The following DCDC2C variants were observed in gnomAD, a reference collection of about 807,000 sequenced individuals.
DCDC2C encodes the protein doublecortin domain-containing protein 2C.
Under a neutral mutation model 45.0 loss-of-function variants are expected in DCDC2C, and 44 were observed. The ratio of observed to expected loss-of-function variants is 0.98; its 90% CI spans 0.77 to 1.26. The LOEUF is 1.26. Among genes scored for constraint, DCDC2C ranks in the 50% most tolerant of loss-of-function variants. DCDC2C has a pLI of 0.00. For missense variants in DCDC2C, 447 were observed against 468.9 expected, an observed-to-expected ratio of 0.95 and a Z score of 0.43; for synonymous variants, 187 against 178.8, an observed-to-expected ratio of 1.05 and a Z score of -0.37.
chr2:3,712,845 G>C (rs1668251154), intron 2 of DCDC2C, among the ~76,000 whole-genome samples: 1 of 152,100 alleles, frequency 6.6e-6, no homozygotes, highest in African/African-American at 2.4e-5. Flanking sequence ...GTCCTTGAAT[G>C]CTTCATCATC....
At chr2:3,846,528 ATTG>A (rs1672334207) in intron 10 of DCDC2C, among the ~76,000 whole-genome samples, 1 of 152,200 alleles carries the variant, frequency 6.6e-6, no homozygotes, top group Non-Finnish European at 1.5e-5. Flanking sequence ...TTAGTATAGA[ATTG>A]TTGTATGAAT....
At chr2:3,715,576 T>TTCCATCCATCCATCCA (rs59747438) in intron 2 of DCDC2C, among the ~76,000 whole-genome samples, 34 of 151,162 alleles carry the variant, frequency 2.2e-4, no homozygotes, top group East Asian at 7.8e-4. Flanking sequence ...ATCCTAAACT[T>TTCCATCCATCCATCCA]TCCATCCATC....
chr2:3,837,092 G>T (rs1390446485), intron 10 of DCDC2C, among the ~76,000 whole-genome samples: 1 of 152,094 alleles, frequency 6.6e-6, no homozygotes, highest in Admixed American at 6.6e-5. Context: ...TCTCTTTGGG[G>T]CCCTCCTGCT....
At chr2:3,809,758 A>G (rs925432190) in intron 10 of DCDC2C, among the ~76,000 whole-genome samples, 3 of 151,910 alleles carry the variant, frequency 2.0e-5, no homozygotes, top group East Asian at 1.9e-4. Flanking sequence ...CCAACCCCCA[A>G]CAGGCCCTGA....
chr2:3,746,396 C>T lies in DCDC2C; in HGVS notation c.545+4348C>T, dbSNP rs572640474. 7.2e-5 allele frequency among the ~76,000 whole-genome samples: 11 copies of T among 152,144 alleles called. No individual in the cohort carries two copies. The East Asian group carries it at 1.6e-3, about 21-fold the overall frequency. ...AAGTGGGAGTGGATGGGGACGAGCACGACCCACTCTAAGAAAGGAATGACG... is the reference window on the plus strand; with the variant it reads ...AAGTGGGAGTGGATGGGGACGAGCATGACCCACTCTAAGAAAGGAATGACG... On this transcript the variant is annotated intron_variant, in intron 4 of 10. Coordinates refer to ENST00000399143, the MANE Select transcript of DCDC2C (RefSeq NM_001287444.2).
At chr2:3,729,034 T>C (rs1030269022) in intron 3 of DCDC2C, among the ~76,000 whole-genome samples, 4 of 152,238 alleles carry the variant, frequency 2.6e-5, no homozygotes, top group African/African-American at 9.6e-5. Context: ...CTCTCTGATG[T>C]CCCTTGTCAC....
At chr2:3,759,978 C>T (rs1242900588) in intron 6 of DCDC2C, among the ~76,000 whole-genome samples, 1 of 152,226 alleles carries the variant, frequency 6.6e-6, no homozygotes, top group African/African-American at 2.4e-5. Flanking sequence ...GGCCTCTGAC[C>T]TCTGCACTTG....
intron 10 of DCDC2C, among the ~76,000 whole-genome samples, chr2:3,798,318 T>G (rs1294322368): frequency 6.6e-6 from 1 of 151,360 alleles, no homozygotes; most frequent in Admixed American, 6.6e-5. Flanking sequence ...TCTTGACTCT[T>G]TATCCAATTT....
chr2:3,726,211 T>A (rs1463731728), intron 2 of DCDC2C, among the ~76,000 whole-genome samples: 1 of 151,822 alleles, frequency 6.6e-6, no homozygotes, highest in African/African-American at 2.4e-5. Flanking sequence ...GAGCAGCTCT[T>A]CAGAGGAAGG....
At chr2:3,731,181 G>T (rs921315372) in intron 3 of DCDC2C, among the ~76,000 whole-genome samples, 2 of 152,142 alleles carry the variant, frequency 1.3e-5, no homozygotes, top group African/African-American at 4.8e-5. Flanking sequence ...ATAGGCGAGG[G>T]TGCAGTGGGA....
At chr2:3,794,394 T>C (rs1443747364) in intron 10 of DCDC2C, among the ~76,000 whole-genome samples, 1 of 152,228 alleles carries the variant, frequency 6.6e-6, no homozygotes, top group Non-Finnish European at 1.5e-5. Context: ...CTTTAAGTTT[T>C]AGGGTACATG....
At chr2:3,711,860 T>G (rs756362377) in intron 2 of DCDC2C, among the ~76,000 whole-genome samples, 2 of 152,240 alleles carry the variant, frequency 1.3e-5, no homozygotes, top group African/African-American at 2.4e-5. Context: ...AAAACTTACA[T>G]TGCTTCTGAC....
intron 10 of DCDC2C, among the ~76,000 whole-genome samples, chr2:3,792,452 A>T (rs1021331851): frequency 6.6e-6 from 1 of 152,130 alleles, no homozygotes; most frequent in Non-Finnish European, 1.5e-5. Context: ...AAAGTATTTT[A>T]TTTGTATTTA....
At chr2:3,824,061 C>T (rs888201894) in intron 10 of DCDC2C, among the ~76,000 whole-genome samples, 1 of 152,224 alleles carries the variant, frequency 6.6e-6, no homozygotes, top group African/African-American at 2.4e-5. Context: ...TGGATTCAGT[C>T]CATGGACTGT....
intron 1 of DCDC2C, among the ~76,000 whole-genome samples, chr2:3,705,262 C>G (rs1668036441): frequency 1.3e-5 from 2 of 152,184 alleles, no homozygotes; most frequent in Non-Finnish European, 2.9e-5. Context: ...TCGTAAGTCA[C>G]AGGCATCACA....
intron 10 of DCDC2C, among the ~76,000 whole-genome samples, chr2:3,800,398 C>A (rs1481532642): frequency 6.6e-6 from 1 of 152,188 alleles, no homozygotes; most frequent in Non-Finnish European, 1.5e-5. Context: ...CCTCCCTCTG[C>A]AAATTTGAAG....
At chr2:3,772,130 T>A (rs10181689) in intron 8 of DCDC2C, among the ~76,000 whole-genome samples, 15 of 152,236 alleles carry the variant, frequency 9.9e-5, no homozygotes, top group African/African-American at 3.4e-4. Flanking sequence ...AGTAAATGTA[T>A]GAATTTGGAG....
intron 2 of DCDC2C, among the ~76,000 whole-genome samples, chr2:3,719,103 T>C (rs113592230): frequency 6.6e-6 from 1 of 151,868 alleles, no homozygotes; most frequent in Non-Finnish European, 1.5e-5. Flanking sequence ...TTTTTTTTTT[T>C]GGGATGGAGT....
chr2:3,777,875 C>T (rs1006029514), intron 8 of DCDC2C, among the ~76,000 whole-genome samples: 1 of 152,258 alleles, frequency 6.6e-6, no homozygotes, highest in African/African-American at 2.4e-5. Flanking sequence ...ATTCACTTCT[C>T]TGCCCACTGT....
Sources: gnomAD v4.1 joint callset for allele counts (sites outside exome capture counted in the v4.1 genomes callset) on GRCh38, gnomAD v4.1.1 for gene constraint, MANE v1.5 for transcripts, NCBI Gene and HGNC (gene_info 2026-07-23, HGNC 2026-07-21) for gene names.